Variants in AKAP19 observed in about 807,000 individuals in gnomAD.
The protein encoded by AKAP19 is small A-kinase anchoring protein.
the AKAP19 span, among the ~76,000 whole-genome samples, chr2:190,157,367 TACACACACAC>T: frequency 1.3e-5 from 2 of 150,204 alleles, no homozygotes; most frequent in African/African-American, 4.9e-5. Flanking sequence ...TAAACTTGTA[TACACACACAC>T]ACACACACAC....
chr2:190,053,200 A>G, the AKAP19 span, among the ~76,000 whole-genome samples: 1 of 152,208 alleles, frequency 6.6e-6, no homozygotes, highest in Non-Finnish European at 1.5e-5. Context: ...GTCAACCTTT[A>G]TAAGTTATCT....
the AKAP19 span, among the ~76,000 whole-genome samples, chr2:190,131,766 A>G: frequency 4.6e-5 from 7 of 152,222 alleles, no homozygotes; most frequent in Non-Finnish European, 8.8e-5. Flanking sequence ...AAACTGAATT[A>G]GAGCTGGTGT....
At chr2:190,093,306 G>A in the AKAP19 span, among the ~76,000 whole-genome samples, 6 of 151,984 alleles carry the variant, frequency 3.9e-5, no homozygotes, top group Non-Finnish European at 7.4e-5. Context: ...GGTGGTGGAC[G>A]CCTGTAATCC....
At chr2:189,955,595 G>C in the AKAP19 span, among the ~76,000 whole-genome samples, 2 of 152,098 alleles carry the variant, frequency 1.3e-5, no homozygotes, top group Non-Finnish European at 1.5e-5. Flanking sequence ...GTATATAAGT[G>C]TTTCTTTTCT....
the AKAP19 span, chr2:190,200,225 A>G: frequency 1.3e-3 from 1,496 of 1,180,904 alleles, 20 homozygotes; most frequent in African/African-American, 0.021. Flanking sequence ...CTGGTGTGAA[A>G]AAGTACAAAT....
chr2:190,062,505 T>A, the AKAP19 span: 2 of 1,613,556 alleles, frequency 1.2e-6, no homozygotes, highest in Non-Finnish European at 1.7e-6. Context: ...TTCCACATTT[T>A]CTTTTTGCTC....
chr2:189,916,569 G>A, the AKAP19 span, among the ~76,000 whole-genome samples: 13 of 151,960 alleles, frequency 8.6e-5, no homozygotes, highest in African/African-American at 2.9e-4. Flanking sequence ...TGATCCACCC[G>A]CCTCGGCCTC....
the AKAP19 span, among the ~76,000 whole-genome samples, chr2:189,948,599 G>A: frequency 2.0e-5 from 3 of 152,094 alleles, no homozygotes; most frequent in Non-Finnish European, 4.4e-5. Flanking sequence ...GACCATGTCT[G>A]TCTATGTTAC....
the AKAP19 span, chr2:189,917,470 G>T: frequency 1.4e-6 from 1 of 696,248 alleles, no homozygotes; most frequent in Non-Finnish European, 2.5e-6. Flanking sequence ...ATTACTGGTT[G>T]ACTCTTTGAA....
the AKAP19 span, among the ~76,000 whole-genome samples, chr2:190,118,754 C>G: frequency 6.6e-6 from 1 of 152,150 alleles, no homozygotes; most frequent in African/African-American, 2.4e-5. Context: ...AACCCACAGC[C>G]AATATCATAC....
the AKAP19 span, among the ~76,000 whole-genome samples, chr2:190,152,018 A>C: frequency 7.0e-3 from 608 of 87,314 alleles, 3 homozygotes; most frequent in South Asian, 0.02. Context: ...ACAACAACAA[A>C]AAAAAAAAAC....
chr2:190,074,937 T>A, the AKAP19 span, among the ~76,000 whole-genome samples: 1 of 152,202 alleles, frequency 6.6e-6, no homozygotes, highest in South Asian at 2.1e-4. Context: ...AATGTTGGTG[T>A]CAAACATTCT....
chr2:189,956,490 A>G, the AKAP19 span, among the ~76,000 whole-genome samples: 2 of 152,130 alleles, frequency 1.3e-5, no homozygotes, highest in Non-Finnish European at 2.9e-5. Flanking sequence ...TTTCAAGAGC[A>G]CTTAGACTCC....
At chr2:189,914,897 C>T in the AKAP19 span, among the ~76,000 whole-genome samples, 1 of 152,056 alleles carries the variant, frequency 6.6e-6, no homozygotes, top group Non-Finnish European at 1.5e-5. Context: ...TAAACCCAGG[C>T]ATTTTCACTC....
chr2:189,964,293 C>T, the AKAP19 span, among the ~76,000 whole-genome samples: 2 of 152,136 alleles, frequency 1.3e-5, no homozygotes, highest in Non-Finnish European at 1.5e-5. Context: ...GTAACCCATG[C>T]TCTAAACAGA....
chr2:189,980,207 A>G, the AKAP19 span, among the ~76,000 whole-genome samples: 1 of 152,252 alleles, frequency 6.6e-6, no homozygotes, highest in African/African-American at 2.4e-5. Flanking sequence ...TGGTACATAT[A>G]CACCATGGAA....
At chr2:190,082,217 A>G in the AKAP19 span, among the ~76,000 whole-genome samples, 6 of 152,212 alleles carry the variant, frequency 3.9e-5, no homozygotes, top group East Asian at 3.8e-4. Context: ...GTGGGCATGC[A>G]TATGTTTCTC....
the AKAP19 span, among the ~76,000 whole-genome samples, chr2:190,019,371 G>T: frequency 6.6e-6 from 1 of 152,100 alleles, no homozygotes; most frequent in African/African-American, 2.4e-5. Flanking sequence ...GCTGTGGAGG[G>T]TGTCTTTCTC....
the AKAP19 span, chr2:190,180,809 C>A: frequency 1.0e-6 from 1 of 985,290 alleles, no homozygotes; most frequent in Middle Eastern, 5.2e-4. The surrounding 1 kb of genome is among the most constrained non-coding windows in gnomAD (Gnocchi z 6.8). Context: ...GCGGCGGCGA[C>A]GGCAGGAGGA....
Sources: allele counts gnomAD v4.1 joint callset (sites outside exome capture counted in the v4.1 genomes callset), GRCh38; gene constraint gnomAD v4.1.1; non-coding constraint Gnocchi (gnomAD v3.1); transcripts MANE v1.5; gene names NCBI Gene and HGNC (gene_info 2026-07-23, HGNC 2026-07-21).